Variants in PCDHA13 observed in about 807,000 individuals in gnomAD.
The protein encoded by PCDHA13 is protocadherin alpha 13.
PCDHA13 carries 54 observed loss-of-function variants against 64.8 expected under a neutral mutation model. The ratio of observed to expected loss-of-function variants is 0.83; its 90% CI spans 0.67 to 1.04. The LOEUF is 1.04. Ranked by LOEUF, PCDHA13 falls within the 50% of genes least tolerant of loss-of-function variation. The pLI, the probability that PCDHA13 is intolerant of heterozygous loss-of-function variation, is 0.00. For synonymous variants in PCDHA13, 587 were observed against 564.4 expected, an observed-to-expected ratio of 1.04 and a Z score of -0.57; for missense variants, 1,248 against 1,254.3, an observed-to-expected ratio of 0.99 and a Z score of 0.08.
chr5:140,918,503 C>G (rs2078725431), intron 1 of PCDHA13, among the ~76,000 whole-genome samples: 1 of 152,056 alleles, frequency 6.6e-6, no homozygotes, highest in Non-Finnish European at 1.5e-5. Flanking sequence ...GGTACCAATC[C>G]TTTTAAACTT....
chr5:140,891,568 A>G (rs1448026659), intron 1 of PCDHA13, among the ~76,000 whole-genome samples: 1 of 151,646 alleles, frequency 6.6e-6, no homozygotes, highest in Non-Finnish European at 1.5e-5. Flanking sequence ...CTCTAATTAA[A>G]CATATTTTAA....
At chr5:141,000,391 CTCTCTA>C (rs1434799221) in intron 3 of PCDHA13, among the ~76,000 whole-genome samples, 1,083 of 55,870 alleles carry the variant, frequency 0.019, 5 homozygotes, top group Non-Finnish European at 0.023. Context: ...CTCTCTCTCT[CTCTCTA>C]TATATATATA....
chr5:140,991,707 A>G (rs1436655429), intron 3 of PCDHA13, among the ~76,000 whole-genome samples: 1 of 152,158 alleles, frequency 6.6e-6, no homozygotes, highest in Non-Finnish European at 1.5e-5. Flanking sequence ...TAATATGCAT[A>G]TTGCTACTAG....
intron 1 of PCDHA13, among the ~76,000 whole-genome samples, chr5:140,944,592 C>T (rs1225606041): frequency 2.6e-5 from 4 of 152,086 alleles, no homozygotes; most frequent in Non-Finnish European, 4.4e-5. Flanking sequence ...CAGAATTTCC[C>T]TGGGTAGAGT....
intron 1 of PCDHA13, among the ~76,000 whole-genome samples, chr5:140,950,612 T>A (rs2094502401): frequency 6.6e-6 from 1 of 152,072 alleles, no homozygotes; most frequent in Non-Finnish European, 1.5e-5. Flanking sequence ...ATGATGTGCT[T>A]ATTTATGCTT....
At chr5:140,968,659 C>A (rs781863651) in intron 1 of PCDHA13, 6 of 1,614,160 alleles carry the variant, frequency 3.7e-6, no homozygotes, top group East Asian at 2.2e-5. Context: ...CTGACCTGGA[C>A]CTCTTTAAGG....
intron 1 of PCDHA13, among the ~76,000 whole-genome samples, chr5:140,939,509 C>T (rs1013863525): frequency 9.3e-5 from 14 of 150,592 alleles, no homozygotes; most frequent in Non-Finnish European, 1.8e-4. Flanking sequence ...ATGTCTATAA[C>T]ATTAATAGTT....
At chr5:140,975,084 T>C (rs1353727401) in intron 1 of PCDHA13, among the ~76,000 whole-genome samples, 1 of 152,140 alleles carries the variant, frequency 6.6e-6, no homozygotes, top group African/African-American at 2.4e-5. Context: ...GTTGGCAGAA[T>C]CCAGTTGTTT....
At chr5:141,002,133 C>T (rs1172462824) in intron 3 of PCDHA13, among the ~76,000 whole-genome samples, 2 of 152,248 alleles carry the variant, frequency 1.3e-5, no homozygotes, top group African/African-American at 4.8e-5. Context: ...ATAGCCTTTG[C>T]CGGCTGCACT....
intron 3 of PCDHA13, among the ~76,000 whole-genome samples, chr5:140,999,615 A>G (rs535054544): frequency 5.3e-5 from 8 of 152,322 alleles, no homozygotes; most frequent in Admixed American, 3.3e-4. Flanking sequence ...GACCTTATCA[A>G]CCAGGAAACA....
chr5:140,988,535 A>T (rs1426235004), intron 3 of PCDHA13, among the ~76,000 whole-genome samples: 2 of 152,164 alleles, frequency 1.3e-5, no homozygotes, highest in Non-Finnish European at 2.9e-5. Flanking sequence ...GGCTCCATCC[A>T]TTCATGACTT....
At chr5:140,991,440 C>T (rs2097452926) in intron 3 of PCDHA13, among the ~76,000 whole-genome samples, 1 of 152,190 alleles carries the variant, frequency 6.6e-6, no homozygotes, top group Non-Finnish European at 1.5e-5. Context: ...AACTTCATGG[C>T]TTAAAACAAC....
chr5:140,981,260 T>C (rs975813904), intron 2 of PCDHA13, among the ~76,000 whole-genome samples: 11 of 152,324 alleles, frequency 7.2e-5, no homozygotes, highest in African/African-American at 2.4e-4. Flanking sequence ...ACTTTCAAGA[T>C]AAGCAAATGT....
rs2098417657 is a variant in PCDHA13, at chr5:141,010,566, C to T, written c.*629C>T. 3.4e-6 allele frequency: 1 copy of T among 290,180 alleles called. No individual in the cohort carries two copies. The highest frequency in any genetic ancestry group is 6.5e-6 in the Non-Finnish European group (1 of 154,226). The allele number at this position is 290,180 out of a possible 1,614,324, so 18.0% of individuals were successfully genotyped here. ...GACAAAACTACCCCCACTGACAAGG[C>T]TTTAGGAGACCCTAAAGTCTGTTGG... On this transcript the variant is annotated 3_prime_UTR_variant, in exon 4 of 4. Coordinates refer to ENST00000289272, the MANE Select transcript of PCDHA13 (RefSeq NM_018904.3).
intron 1 of PCDHA13, among the ~76,000 whole-genome samples, chr5:140,887,198 G>T (rs1276345927): frequency 6.6e-6 from 1 of 151,492 alleles, no homozygotes; most frequent in Admixed American, 6.6e-5. Flanking sequence ...CCGGGTTCAC[G>T]CCATTCTCCT....
intron 1 of PCDHA13, among the ~76,000 whole-genome samples, chr5:140,952,848 T>A (rs10476804): frequency 0.013 from 2,044 of 152,238 alleles, 38 homozygotes; most frequent in African/African-American, 0.047. Context: ...CTGCTTGTCT[T>A]CTGGGGAGGC....
At position 140,917,056 on chromosome 5, in the gene PCDHA13, T is replaced by C. The variant is rs539112715; in HGVS notation, c.2394+32394T>C. Among the ~76,000 whole-genome samples the C allele has an allele frequency of 5.9e-5, 9 of 152,280 alleles. No individual in the cohort carries two copies. The East Asian group carries it at 1.7e-3, about 29-fold the overall frequency. On this transcript the variant is annotated intron_variant, in intron 1 of 3. Transcript: ENST00000289272. ...AGTCCAGCACAGTGTTGTTCCCTGCTACGACAGCACCGAGTTTAATGTAAA... is the reference window on the plus strand; with the variant it reads ...AGTCCAGCACAGTGTTGTTCCCTGCCACGACAGCACCGAGTTTAATGTAAA...
chr5:140,931,473 A>G (rs2087545332), intron 1 of PCDHA13, among the ~76,000 whole-genome samples: 1 of 152,066 alleles, frequency 6.6e-6, no homozygotes, highest in Admixed American at 6.6e-5. Flanking sequence ...TGACAGAGGA[A>G]AAAACAACCC....
intron 1 of PCDHA13, chr5:140,966,397 G>C (rs782390663): frequency 4.5e-5 from 18 of 404,120 alleles, no homozygotes; most frequent in Admixed American, 2.2e-4. Flanking sequence ...CCGCCACTTC[G>C]GCGCGGAATC....
Sources: allele counts gnomAD v4.1 joint callset (sites outside exome capture counted in the v4.1 genomes callset), GRCh38; gene constraint gnomAD v4.1.1; transcripts MANE v1.5; gene names NCBI Gene and HGNC (gene_info 2026-07-23, HGNC 2026-07-21).